Variants in DCDC1 observed in about 807,000 individuals in gnomAD.
DCDC1 encodes the protein doublecortin domain-containing protein 1.
Under a neutral mutation model 178.3 loss-of-function variants are expected in DCDC1, and 200 were observed. The ratio of observed to expected loss-of-function variants is 1.12; its 90% CI spans 1.00 to 1.26. The LOEUF (loss-of-function observed/expected upper bound fraction) is 1.26. DCDC1 is among the 50% of genes most tolerant of loss of function. The probability of loss-of-function intolerance (pLI) is 0.00; values close to 1 mark genes in which losing one functional copy is unlikely to be tolerated. For synonymous variants in DCDC1, 690 were observed against 604.8 expected, an observed-to-expected ratio of 1.14 and a Z score of -2.07; for missense variants, 1,983 against 1,749.2, an observed-to-expected ratio of 1.13 and a Z score of -2.38.
chr11:31,209,792 T>G (rs935161281), intron 9 of DCDC1, among the ~76,000 whole-genome samples: 3 of 151,838 alleles, frequency 2.0e-5, no homozygotes, highest in Non-Finnish European at 4.4e-5. Flanking sequence ...GTCAAGAGAG[T>G]AGAAGAATTG....
intron 15 of DCDC1, 74 bp from the exon 16 acceptor site, chr11:31,094,258 A>G (rs1958000476): frequency 2.8e-6 from 2 of 727,150 alleles, no homozygotes; most frequent in Admixed American, 3.7e-5. Context: ...CTTACCCAAA[A>G]TAAGTTATCC....
intron 22 of DCDC1, among the ~76,000 whole-genome samples, chr11:30,925,767 T>G (rs558453740): frequency 1.3e-5 from 2 of 152,322 alleles, no homozygotes; most frequent in East Asian, 3.9e-4. Context: ...CACACTTTTC[T>G]ATTTCTGTGC....
At chr11:30,889,207 G>A (rs577550998) in intron 36 of DCDC1, among the ~76,000 whole-genome samples, 8 of 152,214 alleles carry the variant, frequency 5.3e-5, no homozygotes, top group Non-Finnish European at 1.0e-4. Flanking sequence ...CCTGCAGAAA[G>A]AGCCACTAAC....
intron 10 of DCDC1, among the ~76,000 whole-genome samples, chr11:31,128,091 A>G (rs957998420): frequency 4.6e-5 from 7 of 151,988 alleles, no homozygotes; most frequent in Non-Finnish European, 1.0e-4. Context: ...TTTTCAATAT[A>G]TATATTAAAT....
intron 18 of DCDC1, among the ~76,000 whole-genome samples, chr11:31,072,313 A>G (rs1956615465): frequency 1.3e-5 from 2 of 152,190 alleles, no homozygotes; most frequent in South Asian, 2.1e-4. Context: ...CTATGCCTAT[A>G]TAAGGTTTAT....
intron 20 of DCDC1, among the ~76,000 whole-genome samples, chr11:31,050,803 G>A (rs1481731671): frequency 6.6e-6 from 1 of 152,122 alleles, no homozygotes; most frequent in Non-Finnish European, 1.5e-5. Flanking sequence ...AGGAAAAGGG[G>A]GAGAGTCTAC....
intron 20 of DCDC1, among the ~76,000 whole-genome samples, chr11:30,983,548 T>C (rs1176153162): frequency 6.6e-6 from 1 of 152,180 alleles, no homozygotes. Flanking sequence ...ATAAATCATA[T>C]TGGATTTTTT....
intron 11 of DCDC1, among the ~76,000 whole-genome samples, chr11:31,114,589 A>C (rs553806951): frequency 6.6e-6 from 1 of 152,176 alleles, no homozygotes; most frequent in South Asian, 2.1e-4. Flanking sequence ...AACAGGGAGA[A>C]GAGTACTACA....
intron 38 of DCDC1, among the ~76,000 whole-genome samples, chr11:30,877,875 CT>C (rs1942282086): frequency 6.6e-6 from 1 of 152,002 alleles, no homozygotes; most frequent in Non-Finnish European, 1.5e-5. Flanking sequence ...TGGTCAGAGT[CT>C]TTTTGTATTA....
intron 1 of DCDC1, among the ~76,000 whole-genome samples, chr11:31,366,462 T>C (rs891721222): frequency 1.3e-5 from 2 of 152,192 alleles, no homozygotes; most frequent in African/African-American, 4.8e-5. Flanking sequence ...TATACTGTGA[T>C]ATACAAAGGA....
chr11:30,923,798 G>C (rs1946420510), intron 23 of DCDC1, among the ~76,000 whole-genome samples: 1 of 151,774 alleles, frequency 6.6e-6, no homozygotes, highest in Non-Finnish European at 1.5e-5. Context: ...TTGTATTCTA[G>C]TAGAGGCAGG....
chr11:31,163,526 C>T (rs1197247014), intron 9 of DCDC1, among the ~76,000 whole-genome samples: 1 of 152,068 alleles, frequency 6.6e-6, no homozygotes, highest in African/African-American at 2.4e-5. Flanking sequence ...ATAATGTTCA[C>T]ATATTTTATT....
chr11:31,091,609 T>C (rs1413281685), intron 16 of DCDC1, 98 bp from the exon 17 acceptor site: 4 of 646,708 alleles, frequency 6.2e-6, no homozygotes, highest in African/African-American at 1.8e-5. Flanking sequence ...TATGCCTGGA[T>C]AACCCTGGAT....
At chr11:31,258,576 T>C (rs7103390) in intron 8 of DCDC1, among the ~76,000 whole-genome samples, 39,889 of 152,014 alleles carry the variant, frequency 0.26, 5,395 homozygotes, top group African/African-American at 0.32. Flanking sequence ...GACAGAAACA[T>C]TAACTGAAGA....
Position 30,952,547 on chromosome 11 carries a change from T to C in DCDC1, c.2613A>G (p.Gly871=), listed in dbSNP as rs1292686375. The C allele has an allele frequency of 6.6e-7, 1 of 1,516,682 alleles. No homozygotes were observed. 94.0% of individuals were successfully genotyped at this position (1,516,682 alleles called of 1,614,324 possible). A position where few individuals can be genotyped will look rare whatever the true frequency, so the allele number is the denominator to read the frequency against. The change falls in exon 21 of 39, where the codon GGA becomes GGG. Residue 871 remains glycine (G), a synonymous_variant. Coordinates refer to ENST00000684477, the MANE Select transcript of DCDC1 (RefSeq NM_001387274.1). The part of the protein sequence containing the change: ...SAQRWAIKHE[G]TSKPGQWKHS... ...GTTTCCACTGGCCTGGCTTACTGGTTCCTTCATGTTTTATGGCCCACCTAA... is the reference window on the plus strand; with the variant it reads ...GTTTCCACTGGCCTGGCTTACTGGTCCCTTCATGTTTTATGGCCCACCTAA...
intron 7 of DCDC1, among the ~76,000 whole-genome samples, chr11:31,274,270 C>T (rs1945807926): frequency 2.0e-5 from 3 of 152,248 alleles, no homozygotes; most frequent in Admixed American, 2.0e-4. Context: ...CCGACAACTC[C>T]CAAATTGATA....
chr11:31,240,082 T>C (rs926351348), intron 9 of DCDC1, among the ~76,000 whole-genome samples: 1 of 152,010 alleles, frequency 6.6e-6, no homozygotes, highest in South Asian at 2.1e-4. Context: ...CATTATTTCT[T>C]CTAACATTAA....
chr11:31,213,708 T>C (rs1317357087), intron 9 of DCDC1, among the ~76,000 whole-genome samples: 1 of 150,528 alleles, frequency 6.6e-6, no homozygotes, highest in Non-Finnish European at 1.5e-5. Context: ...TGACAGAGCA[T>C]GACTCTGTCT....
At chr11:30,947,968 T>A (rs568855552) in intron 21 of DCDC1, among the ~76,000 whole-genome samples, 1 of 152,072 alleles carries the variant, frequency 6.6e-6, no homozygotes, top group South Asian at 2.1e-4. Context: ...CTCTCACCAC[T>A]CCTATTCAAC....
Sources: gnomAD v4.1 joint callset for allele counts (sites outside exome capture counted in the v4.1 genomes callset) on GRCh38, gnomAD v4.1.1 for gene constraint, MANE v1.5 for transcripts, NCBI Gene and HGNC (gene_info 2026-07-23, HGNC 2026-07-21) for gene names.